SLC38A9: variants seen among roughly 807,000 people sequenced by gnomAD.
SLC38A9 encodes the protein solute carrier family 38 member 9.
Under a neutral mutation model 62.3 loss-of-function variants are expected in SLC38A9, and 48 were observed. That is an observed-to-expected ratio of 0.77 (90% CI 0.61 to 0.98). SLC38A9 has a LOEUF of 0.98. SLC38A9 is among the 50% of genes least tolerant of loss of function. The pLI is 0.00. For synonymous variants in SLC38A9, 204 were observed against 227.7 expected (o/e 0.90, Z 0.94); for missense variants, 541 against 679.8 (o/e 0.80, Z 2.27).
chr5:55,666,669 G>A (rs1157407293), intron 7 of SLC38A9, among the ~76,000 whole-genome samples: 1 of 151,660 alleles, frequency 6.6e-6, no homozygotes, highest in Non-Finnish European at 1.5e-5. Flanking sequence ...GAGGCAGGTG[G>A]ATCAACTTGA....
In SLC38A9 at chr5:55,627,961, G is replaced by A; in HGVS notation, c.1450C>T (p.Leu484Phe). 1 of 1,612,214 alleles carries A rather than the reference G, an allele frequency of 6.2e-7. No individual in the cohort carries two copies. Among genetic ancestry groups the A allele is most frequent in the Admixed American group, 1.7e-5 (1 of 59,964 alleles). The change falls in exon 15 of 16, where the codon CTT (leucine) becomes TTT (phenylalanine). Residue 484 changes from leucine to phenylalanine, a missense_variant. Transcript: ENST00000396865. Reference sequence around the variant, plus strand: ...CCAGCTCCCACAATAATTAGATTAAGAATCAGCACATGGAAAATGCTAGAA... The same window carrying A: ...CCAGCTCCCACAATAATTAGATTAAAAATCAGCACATGGAAAATGCTAGAA... ...IYPSIFHVLI[L>F]NLIIVGAGVI...
chr5:55,635,387 A>G (rs1166882541), intron 13 of SLC38A9, 157 bp downstream of exon 13: 2 of 674,724 alleles, frequency 3.0e-6, no homozygotes, highest in Non-Finnish European at 5.4e-6. Flanking sequence ...CAGAAAGAAA[A>G]GGGAAGGTGC....
At chr5:55,632,471 A>AAC (rs145232612) in intron 14 of SLC38A9, among the ~76,000 whole-genome samples, 3 of 152,002 alleles carry the variant, frequency 2.0e-5, no homozygotes, top group African/African-American at 7.2e-5. Flanking sequence ...AACAACAAAA[A>AAC]CTGCATAAAT....
chr5:55,664,920 T>A, intron 7 of SLC38A9, 57 bp from the exon 8 acceptor site: 1 of 1,217,892 alleles, frequency 8.2e-7, no homozygotes, highest in Non-Finnish European at 1.1e-6. Context: ...TCCATATTCA[T>A]AATTTGTGTT....
At chr5:55,686,421 C>CTTCTT (rs61623515) in intron 3 of SLC38A9, among the ~76,000 whole-genome samples, 90,726 of 151,534 alleles carry the variant, frequency 0.6, 27,704 homozygotes, top group South Asian at 0.7. Flanking sequence ...GCATATATGT[C>CTTCTT]TTCAGAAGTG....
chr5:55,669,098 T>G (rs1194952320), intron 7 of SLC38A9, 130 bp downstream of exon 7: 3 of 551,066 alleles, frequency 5.4e-6, no homozygotes, highest in Non-Finnish European at 9.3e-6. Flanking sequence ...AAGCGATGAA[T>G]TACAGAAGTA....
chr5:55,688,141 C>T (rs1754201940), intron 3 of SLC38A9, among the ~76,000 whole-genome samples: 1 of 152,170 alleles, frequency 6.6e-6, no homozygotes, highest in Admixed American at 6.5e-5. Flanking sequence ...TGCTTATCAG[C>T]TTAAGAAGCT....
chr5:55,628,011 GA>G, intron 14 of SLC38A9, 31 bp from the exon 15 acceptor site: 1 of 1,501,744 alleles, frequency 6.7e-7, no homozygotes, highest in Non-Finnish European at 9.2e-7. Context: ...TTGGAAGAAA[GA>G]AAAAATATAA....
intron 9 of SLC38A9, among the ~76,000 whole-genome samples, chr5:55,656,316 G>C (rs1041951768): frequency 6.6e-6 from 1 of 151,302 alleles, no homozygotes; most frequent in African/African-American, 2.4e-5. Context: ...AATTTGTATA[G>C]CATATATATT....
intron 14 of SLC38A9, 59 bp from the exon 15 acceptor site, chr5:55,628,039 A>T: frequency 9.4e-7 from 1 of 1,067,972 alleles, no homozygotes; most frequent in South Asian, 1.3e-5. Context: ...GCAAATTATA[A>T]CCACTAATAT....
chr5:55,679,595 T>G (rs1280968587), intron 3 of SLC38A9, among the ~76,000 whole-genome samples: 1 of 93,800 alleles, frequency 1.1e-5, no homozygotes, highest in Admixed American at 1.0e-4. Context: ...AAGTTTTTAG[T>G]TTTTTGTTTT....
intron 8 of SLC38A9, among the ~76,000 whole-genome samples, chr5:55,659,293 AT>A: frequency 6.9e-6 from 1 of 144,838 alleles, no homozygotes; most frequent in Non-Finnish European, 1.5e-5. Context: ...TTATACGTAT[AT>A]GTCTGTGTAC....
intron 3 of SLC38A9, among the ~76,000 whole-genome samples, chr5:55,686,534 C>T (rs1753842390): frequency 6.6e-6 from 1 of 152,134 alleles, no homozygotes; most frequent in African/African-American, 2.4e-5. Flanking sequence ...TTGTCAGATA[C>T]ATAGTTCGCA....
chr5:55,676,691 G>A (rs967296554), intron 3 of SLC38A9, among the ~76,000 whole-genome samples: 4 of 151,866 alleles, frequency 2.6e-5, no homozygotes, highest in African/African-American at 9.7e-5. Context: ...CAACTGCTCC[G>A]AATTTGAAGA....
At chr5:55,651,980 A>G (rs1280475854) in intron 10 of SLC38A9, among the ~76,000 whole-genome samples, 4 of 150,274 alleles carry the variant, frequency 2.7e-5, no homozygotes, top group Non-Finnish European at 5.9e-5. Flanking sequence ...AAACACACAC[A>G]CACAACAAAA....
chr5:55,661,248 T>C (rs1388478778), intron 8 of SLC38A9, among the ~76,000 whole-genome samples: 3 of 151,848 alleles, frequency 2.0e-5, no homozygotes, highest in African/African-American at 7.3e-5. Flanking sequence ...ATCCAGACCA[T>C]CCTGGCTAAC....
chr5:55,686,429 G>A (rs1343889877), intron 3 of SLC38A9, among the ~76,000 whole-genome samples: 1 of 133,984 alleles, frequency 7.5e-6, no homozygotes, highest in East Asian at 2.1e-4. Flanking sequence ...GTCTTCAGAA[G>A]TGTCTGCCTA....
chr5:55,696,717 C>A (rs1344811475), intron 3 of SLC38A9: 1 of 145,862 alleles, frequency 6.9e-6, no homozygotes, highest in Non-Finnish European at 1.5e-5. Context: ...CCCCACCTCC[C>A]TCCCGGACGG....
chr5:55,671,834 C>T (rs928732468), intron 4 of SLC38A9, among the ~76,000 whole-genome samples: 4 of 151,618 alleles, frequency 2.6e-5, no homozygotes, highest in Non-Finnish European at 4.4e-5. Flanking sequence ...GGTGATAGAG[C>T]GACACTCCAT....
Sources: gnomAD v4.1 joint callset for allele counts (sites outside exome capture counted in the v4.1 genomes callset) on GRCh38, gnomAD v4.1.1 for gene constraint, MANE v1.5 for transcripts, NCBI Gene and HGNC (gene_info 2026-07-23, HGNC 2026-07-21) for gene names.